Variants in PTPRH observed in about 807,000 individuals in gnomAD.
The protein encoded by PTPRH is protein tyrosine phosphatase receptor type H, also known as receptor-type tyrosine-protein phosphatase H.
A neutral mutation model predicts 130.2 loss-of-function variants in PTPRH; 113 were observed. The observed-to-expected ratio is 0.87, with a 90% CI of 0.75 to 1.01. The LOEUF (loss-of-function observed/expected upper bound fraction) is 1.01. Among genes scored for constraint, PTPRH ranks in the 50% least tolerant of loss-of-function variants. The probability of loss-of-function intolerance (pLI) is 0.00; values close to 1 mark genes in which losing one functional copy is unlikely to be tolerated. For synonymous variants in PTPRH, 556 were observed against 577.9 expected (o/e 0.96, Z 0.54); for missense variants, 1,430 against 1,425.0 (o/e 1.00, Z -0.06).
intron 12 of PTPRH, 54 bp from the exon 13 acceptor site, chr19:55,188,222 A>T: frequency 7.0e-7 from 1 of 1,424,580 alleles, no homozygotes; most frequent in Non-Finnish European, 9.9e-7. Context: ...TTAATCTTGC[A>T]CTTTTGAGGG....
At position 55,198,716 on chromosome 19, in the gene PTPRH, G is replaced by A. The variant is rs1204887306; in HGVS notation, c.1617C>T (p.Ser539=). Residue 539 remains serine, a synonymous_variant, in exon 8 of 20, where the codon AGC becomes AGT. Transcript: ENST00000376350. The part of the protein sequence containing the change: ...DITLKELEAG[S]LYHLTVWAER... The stretch of plus-strand genomic sequence containing the variant: ...CGGCCCAGACGGTGAGGTGGTACAG[G>A]CTGCCAGCTTCCAGTTCCTTTAGGG... The A allele has an allele frequency of 3.1e-6, 5 of 1,614,070 alleles. No individual in the cohort carries two copies. The highest frequency in any genetic ancestry group is 4.2e-6 in the Non-Finnish European group (5 of 1,179,968).
intron 4 of PTPRH, among the ~76,000 whole-genome samples, 161 bp downstream of exon 4, chr19:55,205,165 C>A (rs1443378768): frequency 6.6e-6 from 1 of 152,208 alleles, no homozygotes. Flanking sequence ...CATGGACATT[C>A]ATTCCTTCTT....
intron 7 of PTPRH, 131 bp from the exon 8 acceptor site, chr19:55,199,043 G>GTAATC: frequency 2.1e-6 from 2 of 933,620 alleles, no homozygotes; most frequent in Non-Finnish European, 1.4e-6. Flanking sequence ...AGTGGCTCAG[G>GTAATC]CCTGTAATCC....
rs542029914 is a variant in PTPRH, at chr19:55,199,435, T to C, written c.1421-523A>G. On this transcript the variant is annotated intron_variant, in intron 7 of 19. Coordinates refer to ENST00000376350, the MANE Select transcript of PTPRH (RefSeq NM_002842.5). ...GCTTGGGCAACATGGCAAAACCCTG[T>C]CTCTACTAAAAATACACAGATTAGC... 8.5e-5 allele frequency among the ~76,000 whole-genome samples: 13 copies of C among 152,228 alleles called. No homozygotes were observed. In the South Asian group the frequency reaches 2.7e-3, roughly 32 times the overall value.
rs1568902347 is a variant in PTPRH, at chr19:55,191,756, C to T, written c.2258-15G>A. 2 of 1,606,748 alleles carry T rather than the reference C, an allele frequency of 1.2e-6. No individual in the cohort carries two copies. The highest frequency in any genetic ancestry group is 8.5e-7 in the Non-Finnish European group (1 of 1,173,486). ...GGCAATGACCCCTGTGGGGAGGAGG[C>T]ATCGGGAACCCTCAGAGCGCAGGTC... is the stretch of plus-strand genomic sequence containing the variant. On this transcript the variant is annotated splice_polypyrimidine_tract_variant and intron_variant, in intron 10 of 19. Coordinates refer to ENST00000376350, the MANE Select transcript of PTPRH (RefSeq NM_002842.5).
intron 4 of PTPRH, 44 bp downstream of exon 4, chr19:55,205,282 C>A: frequency 6.2e-7 from 1 of 1,610,604 alleles, no homozygotes; most frequent in Non-Finnish European, 8.5e-7. Flanking sequence ...TGCCTACTGC[C>A]CCTTAAACAA....
Position 55,185,995 on chromosome 19 carries a change from A to C in PTPRH, c.2779-11T>G. 6.2e-7 allele frequency: 1 copy of C among 1,613,726 alleles called. No homozygotes were observed. The highest frequency in any genetic ancestry group is 8.5e-7 in the Non-Finnish European group (1 of 1,179,836). On this transcript the variant is annotated splice_polypyrimidine_tract_variant and intron_variant, in intron 16 of 19. Transcript: ENST00000376350. ...ATGCTCACACTTCACCTGGGGGAGG[A>C]GGAGGGGTCAGAGAACACAACTCCT...
rs139039095 is a variant in PTPRH at position 55,206,755 on chromosome 19, T to G, written c.286A>C (p.Thr96Pro). The change falls in exon 3 of 20, where the codon ACG becomes CCG. Residue 96 changes from threonine to proline, a missense_variant. Thr to Pro is a conservative substitution (Grantham distance 38). Coordinates refer to ENST00000376350, the MANE Select transcript of PTPRH (RefSeq NM_002842.5). ...VDGLGPGSLY[T>P]CSVWVEKDGV... is the part of the protein sequence containing the mutation. ...TCTTTCTCCACCCACACAGAACACG[T>G]ATACAATGACCCGGGTCCAAGGCCA... is the stretch of plus-strand genomic sequence containing the variant. The G allele has an allele frequency of 2.6e-4, 418 of 1,613,918 alleles. No homozygotes were observed. The highest frequency in any genetic ancestry group is 3.3e-4 in the Non-Finnish European group (386 of 1,180,004).
rs1487356153 is a variant in PTPRH at position 55,206,867 on chromosome 19, T to A, written c.174A>T (p.Ser58=). Residue 58 remains serine, a synonymous_variant, in exon 3 of 20, where the codon TCA becomes TCT. Coordinates refer to ENST00000376350, the MANE Select transcript of PTPRH (RefSeq NM_002842.5). The stretch of plus-strand genomic sequence containing the variant: ...ACTGAACCCAGTAGTTGGAGTTCTG[T>A]GAGTCTAGGCCATCGGGGACCTCCC... ...LSWEVPDGLD[S]QNSNYWVQCT... 1 of 1,613,950 alleles carries A rather than the reference T, an allele frequency of 6.2e-7. No homozygotes were observed. The highest frequency in any genetic ancestry group is 8.5e-7 in the Non-Finnish European group (1 of 1,179,966).
At position 55,198,875 on chromosome 19, in the gene PTPRH, C is replaced by G; in HGVS notation, c.1458G>C (p.Trp486Cys). 4.5e-6 allele frequency: 7 copies of G among 1,543,266 alleles called. No homozygotes were observed. Among genetic ancestry groups the G allele is most frequent in the Non-Finnish European group, 6.1e-6 (7 of 1,142,304 alleles). The change falls in exon 8 of 20, where the codon TGG becomes TGC. Residue 486 changes from tryptophan (W) to cysteine (C), a missense_variant. Coordinates refer to ENST00000376350, the MANE Select transcript of PTPRH (RefSeq NM_002842.5). Reference sequence around the variant, plus strand: ...AGCGCAAAGCAATGGTGCTGTTGGTCCAGTCCTGCTTGCTGAGGCTTGTCA... The same window carrying G: ...AGCGCAAAGCAATGGTGCTGTTGGTGCAGTCCTGCTTGCTGAGGCTTGTCA... ...NAVTSLSKQD[W>C]TNSTIALRWT...
chr19:55,209,424 C>A lies in PTPRH; in HGVS notation c.10G>T (p.Ala4Ser). Reference sequence around the variant, plus strand: ...CCCCAGACCCCGAGGCCCCCGCCAGCCCCAGCCATGCCTCCAGACACTGCC... The same window carrying A: ...CCCCAGACCCCGAGGCCCCCGCCAGACCCAGCCATGCCTCCAGACACTGCC... MAGAGGGLGVWGNL... is the reference protein window; with the variant it reads MAGSGGGLGVWGNL... The change falls in exon 1 of 20, where the codon GCT becomes TCT. Residue 4 changes from alanine (A) to serine (S), a missense_variant. Ala to Ser is a moderately conservative substitution (Grantham distance 99). Coordinates refer to ENST00000376350, the MANE Select transcript of PTPRH (RefSeq NM_002842.5). The surrounding 1 kb of genome is among the most constrained non-coding windows in gnomAD (Gnocchi z 4.1). 1 of 1,557,842 alleles carries A rather than the reference C, an allele frequency of 6.4e-7. No individual in the cohort carries two copies.
chr19:55,182,233 TTGAA>T (rs2086198658), intron 18 of PTPRH, 82 bp from the exon 19 acceptor site: 2 of 1,476,596 alleles, frequency 1.4e-6, no homozygotes, highest in African/African-American at 2.8e-5. Context: ...GGATCTGTGT[TTGAA>T]TGATGACAAT....
At chr19:55,191,883 T>A (rs777583652) in intron 10 of PTPRH, 142 bp from the exon 11 acceptor site, 3 of 780,124 alleles carry the variant, frequency 3.8e-6, no homozygotes, top group Non-Finnish European at 6.8e-6. Context: ...GTGAATTGCG[T>A]CGGTCCAGTT....
rs1242426364 is a variant in PTPRH, at chr19:55,186,239, T to C, written c.2764A>G (p.Met922Val). ...SHTLVMLTNCMEAGRVKCEHY... is the reference protein window; with the variant it reads ...SHTLVMLTNCVEAGRVKCEHY... ...AGATCTCTCACCCGGCCGGCCTCCA[T>C]GCAGTTGGTCAGCATGACCAGGGTG... The change falls in exon 16 of 20, where the codon ATG becomes GTG. Residue 922 changes from methionine (M) to valine (V), a missense_variant. Physicochemically the swap from Met to Val is conservative, Grantham distance 21. Coordinates refer to ENST00000376350, the MANE Select transcript of PTPRH (RefSeq NM_002842.5). 3 of 1,610,824 alleles carry C rather than the reference T, an allele frequency of 1.9e-6. No homozygotes were observed. The highest frequency in any genetic ancestry group is 2.2e-5 in the East Asian group (1 of 44,748).
At position 55,198,807 on chromosome 19, in the gene PTPRH, C is replaced by T; in HGVS notation, c.1526G>A (p.Trp509Ter). ...QGPGQSSYSY[W>*]VSWVREGMTD... Reference sequence around the variant, plus strand: ...CATGCCTTCCCTGACCCATGAGACCCAGTAGCTGTAGGAAGACTGGCCTGG... The same window carrying T: ...CATGCCTTCCCTGACCCATGAGACCTAGTAGCTGTAGGAAGACTGGCCTGG... The change falls in exon 8 of 20, where the codon TGG becomes TAG. Residue 509 changes from tryptophan (W) to a stop codon, truncating the protein, a stop_gained. Coordinates refer to ENST00000376350, the MANE Select transcript of PTPRH (RefSeq NM_002842.5). LOFTEE classifies it high-confidence loss of function. 1.2e-6 allele frequency: 2 copies of T among 1,611,548 alleles called. No homozygotes were observed. Among genetic ancestry groups the T allele is most frequent in the Non-Finnish European group, 8.5e-7 (1 of 1,178,554 alleles).
chr19:55,192,671 C>T (rs536542549), intron 10 of PTPRH, among the ~76,000 whole-genome samples: 10 of 151,216 alleles, frequency 6.6e-5, no homozygotes, highest in Admixed American at 3.3e-4. Context: ...CCTGCCTCAG[C>T]CTCCTGAGTA....
In PTPRH at chr19:55,203,055, A is replaced by G. The variant is rs544073818; in HGVS notation, c.886+727T>C. Among the ~76,000 whole-genome samples the G allele has an allele frequency of 2.0e-4, 29 of 148,466 alleles. No individual in the cohort carries two copies. In the East Asian group the frequency reaches 2.3e-3, roughly 12 times the overall value. On this transcript the variant is annotated intron_variant, in intron 5 of 19. Transcript: ENST00000376350. The stretch of plus-strand genomic sequence containing the variant: ...TCCCAAAAAAAAAAAAGGGCTGGGC[A>G]CGGTGGCTCACGCCTGTAATCCCAG...
intron 18 of PTPRH, 73 bp downstream of exon 18, chr19:55,185,429 C>T: frequency 1.3e-6 from 2 of 1,535,064 alleles, no homozygotes; most frequent in Non-Finnish European, 8.9e-7. Context: ...TTCCCAGGGT[C>T]CCGTCTAACA....
chr19:55,193,803 C>T (rs1338004484), intron 10 of PTPRH, among the ~76,000 whole-genome samples: 1 of 151,912 alleles, frequency 6.6e-6, no homozygotes, highest in East Asian at 1.9e-4. Context: ...GGGAAGGACT[C>T]CCCGGCAGCG....
Sources: gnomAD v4.1 joint callset for allele counts (sites outside exome capture counted in the v4.1 genomes callset) on GRCh38, gnomAD v4.1.1 for gene constraint, Gnocchi (gnomAD v3.1) non-coding constraint, MANE v1.5 for transcripts, NCBI Gene and HGNC (gene_info 2026-07-23, HGNC 2026-07-21) for gene names.